The following ASIC2 variants were observed in gnomAD, a reference collection of about 807,000 sequenced individuals.
ASIC2 encodes the protein acid sensing ion channel subunit 2.
ASIC2 carries 25 observed loss-of-function variants against 57.3 expected under a neutral mutation model. The ratio of observed to expected loss-of-function variants is 0.44; its 90% confidence interval spans 0.32 to 0.61. ASIC2 has a LOEUF of 0.61. ASIC2 is among the 20% of genes least tolerant of loss of function. The pLI is 0.06. For missense variants in ASIC2, 641 were observed against 738.1 expected (o/e 0.87, Z 1.52); for synonymous variants, 319 against 307.5 (o/e 1.04, Z -0.39).
intron 1 of ASIC2, among the ~76,000 whole-genome samples, chr17:33,727,363 A>G (rs1567699208): frequency 1.3e-5 from 2 of 152,222 alleles, no homozygotes; most frequent in Admixed American, 6.5e-5. Context: ...AACAACAGCT[A>G]TCAGCAGAAA....
At chr17:33,827,019 A>C (rs1425073404) in intron 1 of ASIC2, among the ~76,000 whole-genome samples, 1 of 152,182 alleles carries the variant, frequency 6.6e-6, no homozygotes, top group Non-Finnish European at 1.5e-5. Context: ...TGAATCTTGA[A>C]AGCATATAGT....
intron 1 of ASIC2, among the ~76,000 whole-genome samples, chr17:33,669,336 A>G (rs191349331): frequency 1.7e-4 from 26 of 152,320 alleles, no homozygotes; most frequent in Admixed American, 7.2e-4. Context: ...CAGTATATCT[A>G]CCTGTGCTCA....
chr17:33,524,634 G>C (rs1192320344), intron 1 of ASIC2, among the ~76,000 whole-genome samples: 1 of 152,144 alleles, frequency 6.6e-6, no homozygotes, highest in Non-Finnish European at 1.5e-5. Context: ...TGCTGGCTTG[G>C]TGTGGCAGCT....
chr17:33,667,933 G>A (rs894440643), intron 1 of ASIC2, among the ~76,000 whole-genome samples: 2 of 152,164 alleles, frequency 1.3e-5, no homozygotes, highest in African/African-American at 4.8e-5. Flanking sequence ...ACCATTATCG[G>A]ATACCAGAAA....
chr17:33,193,232 C>G (rs1906495100), intron 1 of ASIC2, among the ~76,000 whole-genome samples: 1 of 152,148 alleles, frequency 6.6e-6, no homozygotes, highest in Non-Finnish European at 1.5e-5. Flanking sequence ...ACAACTTTCC[C>G]CAGGATGAAT....
At chr17:33,992,570 G>T (rs1465997516) in intron 1 of ASIC2, among the ~76,000 whole-genome samples, 1 of 152,186 alleles carries the variant, frequency 6.6e-6, no homozygotes, top group East Asian at 1.9e-4. Flanking sequence ...CTATCCACAA[G>T]TGTGTTGGAG....
At chr17:33,579,882 G>A in intron 1 of ASIC2, among the ~76,000 whole-genome samples, 1 of 140,446 alleles carries the variant, frequency 7.1e-6, no homozygotes, top group East Asian at 1.9e-4. Flanking sequence ...CTGCTTATTG[G>A]TCCATTTTAC....
At position 33,015,977 on chromosome 17, in the gene ASIC2, C is replaced by T. The variant is rs1474901615; in HGVS notation, c.1584G>A (p.Glu528=). ...GKEEDEGSHD[E]NVSTCDTMPN... is the part of the protein sequence containing the mutation. ...ATCAGTGAGCTGCTCTTACCACATT[C>T]TCATCGTGGCTCCCTTCGTCCTCCT... Residue 528 remains glutamate, a synonymous_variant, in exon 9 of 10, where the codon GAG becomes GAA. Coordinates refer to ENST00000225823, the MANE Select transcript of ASIC2 (RefSeq NM_183377.2). 3 of 1,614,120 alleles carry T rather than the reference C, an allele frequency of 1.9e-6. No individual in the cohort carries two copies. Among genetic ancestry groups the T allele is most frequent in the East Asian group, 2.2e-5 (1 of 44,884 alleles).
intron 1 of ASIC2, among the ~76,000 whole-genome samples, chr17:33,923,118 G>A (rs1019398119): frequency 1.3e-5 from 2 of 152,172 alleles, no homozygotes; most frequent in African/African-American, 4.8e-5. Flanking sequence ...TGGAGCTCGG[G>A]AGTTCTTTGG....
At chr17:33,511,383 C>T (rs1165913953) in intron 1 of ASIC2, among the ~76,000 whole-genome samples, 1 of 152,150 alleles carries the variant, frequency 6.6e-6, no homozygotes, top group East Asian at 1.9e-4. Context: ...GCTGCCACCT[C>T]CAACTCAGCA....
At chr17:33,337,257 A>G (rs320636) in intron 1 of ASIC2, among the ~76,000 whole-genome samples, 75,465 of 152,038 alleles carry the variant, frequency 0.5, 19,042 homozygotes, top group South Asian at 0.61. Context: ...AGCTCCACCA[A>G]TTAATAGATT....
At chr17:33,781,696 A>G (rs1994659) in intron 1 of ASIC2, among the ~76,000 whole-genome samples, 86,194 of 151,948 alleles carry the variant, frequency 0.57, 25,655 homozygotes, top group Non-Finnish European at 0.66. Context: ...TGGCCCTTGA[A>G]TACTGCTCCT....
At chr17:33,137,952 G>A (rs1324159543) in intron 1 of ASIC2, among the ~76,000 whole-genome samples, 1 of 152,168 alleles carries the variant, frequency 6.6e-6, no homozygotes, top group East Asian at 1.9e-4. Flanking sequence ...TGCAGTGGGA[G>A]GGGTGAACAC....
intron 1 of ASIC2, among the ~76,000 whole-genome samples, chr17:34,086,358 T>A (rs1039038929): frequency 2.6e-5 from 4 of 152,346 alleles, no homozygotes; most frequent in East Asian, 1.9e-4. Flanking sequence ...TTTGAGTGAG[T>A]TTCTTAATCC....
chr17:33,789,755 G>T (rs1181668415), intron 1 of ASIC2, among the ~76,000 whole-genome samples: 1 of 152,150 alleles, frequency 6.6e-6, no homozygotes, highest in African/African-American at 2.4e-5. Context: ...GTTTTGGGTT[G>T]AATAGGATAT....
At chr17:34,088,354 C>T (rs147260424) in intron 1 of ASIC2, among the ~76,000 whole-genome samples, 1 of 152,140 alleles carries the variant, frequency 6.6e-6, no homozygotes, top group African/African-American at 2.4e-5. Flanking sequence ...TGCAGAACAG[C>T]GGTTTTTCGT....
intron 1 of ASIC2, among the ~76,000 whole-genome samples, chr17:33,618,144 G>A (rs1946654): frequency 6.6e-6 from 1 of 151,286 alleles, no homozygotes; most frequent in Non-Finnish European, 1.5e-5. Context: ...AGCCACTGTC[G>A]AATCCATATT....
chr17:33,832,926 T>C lies in ASIC2; in HGVS notation c.555+323052A>G, dbSNP rs532080475. On this transcript the variant is annotated intron_variant, in intron 1 of 9. Coordinates refer to the ASIC2 transcript ENST00000359872. ...AACACGGGCACCTACTGTTAGAATA[T>C]GGACAAGTAAAATATGGCAAGTACA... 6.6e-5 allele frequency among the ~76,000 whole-genome samples: 10 copies of C among 152,286 alleles called. No individual in the cohort carries two copies. The South Asian group carries it at 1.9e-3, about 28-fold the overall frequency.
chr17:33,072,718 T>C (rs2092074210), intron 3 of ASIC2, among the ~76,000 whole-genome samples: 1 of 152,098 alleles, frequency 6.6e-6, no homozygotes, highest in South Asian at 2.1e-4. Flanking sequence ...AGACAGCAAA[T>C]GGGAGTCAGA....
Sources: allele counts gnomAD v4.1 joint callset (sites outside exome capture counted in the v4.1 genomes callset), GRCh38; gene constraint gnomAD v4.1.1; transcripts MANE v1.5; gene names NCBI Gene and HGNC (gene_info 2026-07-23, HGNC 2026-07-21).